AKAP13: variants seen among roughly 807,000 people sequenced by gnomAD.
AKAP13 encodes the protein A-kinase anchor protein 13.
In AKAP13, 80 loss-of-function variants were observed where a neutral mutation model predicts 264.5. The observed-to-expected ratio is 0.30, with a 90% CI of 0.25 to 0.36. The LOEUF is 0.36. Among genes scored for constraint, AKAP13 ranks in the 10% least tolerant of loss-of-function variants. The pLI, the probability that AKAP13 is intolerant of heterozygous loss-of-function variation, is 1.00. For synonymous variants in AKAP13, 1,380 were observed against 1,250.2 expected, an observed-to-expected ratio of 1.10 and a Z score of -2.19; for missense variants, 3,712 against 3,435.2, an observed-to-expected ratio of 1.08 and a Z score of -2.01.
chr15:85,651,704 A>C (rs1356761765), intron 10 of AKAP13: 1 of 152,126 alleles, frequency 6.6e-6, no homozygotes. Context: ...TATAAGCATC[A>C]CTTTGGAGTT....
intron 4 of AKAP13, chr15:85,535,136 C>T (rs777074222): frequency 6.6e-6 from 1 of 152,264 alleles, no homozygotes; most frequent in African/African-American, 2.4e-5. Flanking sequence ...CCACAAGTCA[C>T]TCTCCCCACA....
intron 8 of AKAP13, among the ~76,000 whole-genome samples, chr15:85,595,760 T>C (rs1307927963): frequency 6.6e-6 from 1 of 152,156 alleles, no homozygotes; most frequent in Non-Finnish European, 1.5e-5. Context: ...GATCATAGAA[T>C]TGCCTAAGGA....
intron 8 of AKAP13, among the ~76,000 whole-genome samples, chr15:85,637,213 G>C (rs1249981385): frequency 2.6e-5 from 4 of 152,192 alleles, no homozygotes; most frequent in Admixed American, 2.6e-4. Flanking sequence ...AAGAGCTTGT[G>C]TAGAGTTGAC....
At position 85,744,561 on chromosome 15, in the gene AKAP13, G is replaced by C. The variant is rs2089310141; in HGVS notation, c.8393-67G>C. 5.2e-6 allele frequency: 8 copies of C among 1,542,564 alleles called. No individual in the cohort carries two copies. In the South Asian group the frequency reaches 6.7e-5, roughly 13 times the overall value. On this transcript the variant is annotated intron_variant, in intron 36 of 36. Coordinates refer to ENST00000394518, the MANE Select transcript of AKAP13 (RefSeq NM_007200.5). ...TTGCATTACAGAAGACTTTGGGATG[G>C]GGAGGAAGTTCAATGAAAGGAGCAG...
At position 85,579,899 on chromosome 15, in the gene AKAP13, AT is replaced by A; in HGVS notation, c.1832del (p.Ile611LysfsTer10). The A allele has an allele frequency of 1.9e-6, 3 of 1,614,256 alleles. No individual in the cohort carries two copies. Among genetic ancestry groups the A allele is most frequent in the Middle Eastern group, 3.3e-4 (2 of 6,062 alleles). The part of the protein sequence containing the change: ...LEPYTLLAAG[I>X]GEAMSPSDLA... ...ACCTTATACTCTCTTAGCAGCAGGC[AT>A]AGGTGAGGCAATGTCACCCTCAGAT... On this transcript the variant is annotated frameshift_variant, in exon 7 of 37. Coordinates refer to ENST00000394518, the MANE Select transcript of AKAP13 (RefSeq NM_007200.5). LOFTEE classifies it high-confidence loss of function.
At chr15:85,722,435 T>G in intron 25 of AKAP13, 88 bp downstream of exon 25, 1 of 1,096,038 alleles carries the variant, frequency 9.1e-7, no homozygotes, top group East Asian at 2.4e-5. Context: ...GAAGTGCTAT[T>G]TCATGCTTTA....
At position 85,494,542 on chromosome 15, in the gene AKAP13, T is replaced by G. The variant is rs2075819642; in HGVS notation, c.33+8789T>G. ...CTACACCCAAGTGAATGTCCCACAC[T>G]CAGTTCTACATGTAGGAATGGACTT... On this transcript the variant is annotated intron_variant, in intron 2 of 36. Transcript: ENST00000394518. Among the ~76,000 whole-genome samples, 3 of 152,204 alleles carry G rather than the reference T, an allele frequency of 2.0e-5. No individual in the cohort carries two copies. In the South Asian group the frequency reaches 6.2e-4, roughly 31 times the overall value.
intron 1 of AKAP13, among the ~76,000 whole-genome samples, chr15:85,412,793 A>G (rs1303744475): frequency 8.5e-5 from 13 of 152,224 alleles, no homozygotes. Context: ...AACACAGAGG[A>G]AAATAATTAG....
At chr15:85,381,900 A>C (rs112221202) in intron 1 of AKAP13, 2 of 152,188 alleles carry the variant, frequency 1.3e-5, no homozygotes, top group African/African-American at 4.8e-5. Flanking sequence ...TGGATTGCGC[A>C]GATGAGGACA....
chr15:85,397,417 T>C (rs774261303), intron 1 of AKAP13, among the ~76,000 whole-genome samples: 9 of 152,210 alleles, frequency 5.9e-5, no homozygotes, highest in African/African-American at 2.2e-4. Flanking sequence ...TGGAGAGTTT[T>C]CTTTCCCGAG....
At chr15:85,616,284 C>T (rs746875793) in intron 8 of AKAP13, among the ~76,000 whole-genome samples, 2 of 152,148 alleles carry the variant, frequency 1.3e-5, no homozygotes, top group Admixed American at 1.3e-4. Context: ...ACAGTGTTGA[C>T]CCATAAGAAT....
At chr15:85,620,791 C>T (rs1485794166) in intron 8 of AKAP13, among the ~76,000 whole-genome samples, 2 of 152,046 alleles carry the variant, frequency 1.3e-5, no homozygotes, top group South Asian at 2.1e-4. Context: ...TTGTGTTCTC[C>T]GCATTAGTGA....
intron 2 of AKAP13, among the ~76,000 whole-genome samples, chr15:85,516,124 G>A (rs2076589607): frequency 6.6e-6 from 1 of 152,138 alleles, no homozygotes; most frequent in Admixed American, 6.5e-5. Context: ...CAACTTACTA[G>A]TCTAGACAAA....
At chr15:85,728,633 A>G (rs753666376) in intron 29 of AKAP13, among the ~76,000 whole-genome samples, 2 of 152,164 alleles carry the variant, frequency 1.3e-5, no homozygotes, top group African/African-American at 2.4e-5. Flanking sequence ...TCCTGCCTCT[A>G]GTAAGTCTCA....
intron 1 of AKAP13, among the ~76,000 whole-genome samples, chr15:85,480,078 T>C (rs149075343): frequency 1.9e-3 from 286 of 152,328 alleles, no homozygotes; most frequent in Admixed American, 3.0e-3. Flanking sequence ...TATCTGTTCA[T>C]TATTTGAATA....
intron 5 of AKAP13, among the ~76,000 whole-genome samples, chr15:85,561,006 A>G (rs2078350929): frequency 6.6e-6 from 1 of 151,168 alleles, no homozygotes; most frequent in African/African-American, 2.4e-5. Context: ...GACCACCTCT[A>G]GAGATTTTGA....
chr15:85,563,414 A>G (rs2078485892), intron 5 of AKAP13, among the ~76,000 whole-genome samples: 1 of 143,304 alleles, frequency 7.0e-6, no homozygotes, highest in Non-Finnish European at 1.5e-5. Context: ...CAGTCTCTTC[A>G]ACGCTCACTA....
chr15:85,521,605 T>A (rs1057465226), intron 3 of AKAP13, 30 bp downstream of exon 3: 1 of 1,608,198 alleles, frequency 6.2e-7, no homozygotes, highest in Non-Finnish European at 8.5e-7. Flanking sequence ...CCTTACTAGC[T>A]TTTCCTAGTT....
chr15:85,560,955 T>C (rs2078349084), intron 5 of AKAP13, among the ~76,000 whole-genome samples: 1 of 152,110 alleles, frequency 6.6e-6, no homozygotes, highest in African/African-American at 2.4e-5. Flanking sequence ...GGCTGCACAT[T>C]AAAGTCTCTG....
Sources: allele counts gnomAD v4.1 joint callset (sites outside exome capture counted in the v4.1 genomes callset), GRCh38; gene constraint gnomAD v4.1.1; transcripts MANE v1.5; gene names NCBI Gene and HGNC (gene_info 2026-07-23, HGNC 2026-07-21).